The following TBC1D19 variants were observed in gnomAD, a reference collection of about 807,000 sequenced individuals.
TBC1D19 encodes TBC1 domain family member 19.
TBC1D19 carries 60 observed loss-of-function variants against 89.0 expected under a neutral mutation model. That is an observed-to-expected ratio of 0.67 (90% CI 0.55 to 0.84). The LOEUF (loss-of-function observed/expected upper bound fraction) is 0.84. Ranked by LOEUF, TBC1D19 falls within the 40% of genes least tolerant of loss-of-function variation. TBC1D19 has a pLI of 0.00. For synonymous variants in TBC1D19, 189 were observed against 199.7 expected, an observed-to-expected ratio of 0.95 and a Z score of 0.45; for missense variants, 500 against 610.8, an observed-to-expected ratio of 0.82 and a Z score of 1.91.
At chr4:26,759,152 G>T (rs1184566227), downstream of TBC1D19, among the ~76,000 whole-genome samples, 2 of 152,132 alleles carry the variant, frequency 1.3e-5, no homozygotes. Flanking sequence ...TACATAAGAT[G>T]TATTATAATC....
chr4:26,590,486 T>C (rs1202359920), intron 1 of TBC1D19, among the ~76,000 whole-genome samples: 2 of 152,166 alleles, frequency 1.3e-5, no homozygotes, highest in Non-Finnish European at 2.9e-5. Flanking sequence ...CTGCCTCCCT[T>C]TTAAAATTTT....
At chr4:26,780,831 C>G in the TBC1D19 span, among the ~76,000 whole-genome samples, 19 of 152,302 alleles carry the variant, frequency 1.2e-4, no homozygotes, top group South Asian at 2.1e-4. Context: ...TAAGGGGTAG[C>G]TGACTAGCCA....
chr4:26,776,402 C>T, the TBC1D19 span, among the ~76,000 whole-genome samples: 1 of 152,098 alleles, frequency 6.6e-6, no homozygotes, highest in African/African-American at 2.4e-5. Flanking sequence ...CTTAAGATAA[C>T]AAAACTCACC....
intron 1 of TBC1D19, among the ~76,000 whole-genome samples, chr4:26,609,400 A>G (rs930169157): frequency 2.6e-5 from 4 of 152,134 alleles, no homozygotes; most frequent in Non-Finnish European, 4.4e-5. Context: ...GAAACAGAGG[A>G]ACATAATGTT....
chr4:26,695,441 T>C (rs1191821810), intron 13 of TBC1D19, among the ~76,000 whole-genome samples: 1 of 152,178 alleles, frequency 6.6e-6, no homozygotes. Flanking sequence ...CCCTGCAGGA[T>C]ATTATCCAGG....
chr4:26,642,995 A>T (rs1005622156), intron 7 of TBC1D19, among the ~76,000 whole-genome samples: 10 of 152,118 alleles, frequency 6.6e-5, no homozygotes, highest in African/African-American at 2.2e-4. Flanking sequence ...TTAACACCCC[A>T]CTGTCAATAT....
the TBC1D19 span, among the ~76,000 whole-genome samples, chr4:26,837,735 C>A: frequency 6.6e-6 from 1 of 151,986 alleles, no homozygotes; most frequent in Non-Finnish European, 1.5e-5. Context: ...TCACTAAGGG[C>A]AAGAGTAGAG....
intron 13 of TBC1D19, among the ~76,000 whole-genome samples, chr4:26,712,793 A>G (rs1394893039): frequency 6.6e-6 from 1 of 152,038 alleles, no homozygotes; most frequent in Non-Finnish European, 1.5e-5. Context: ...AGAAGGAGCA[A>G]CCTGCTTTCA....
intron 11 of TBC1D19, among the ~76,000 whole-genome samples, chr4:26,674,774 T>G (rs1363611731): frequency 6.6e-6 from 1 of 151,988 alleles, no homozygotes; most frequent in Non-Finnish European, 1.5e-5. Context: ...GGAACATAAA[T>G]GATCACCATT....
the TBC1D19 span, among the ~76,000 whole-genome samples, chr4:26,821,685 T>G: frequency 1.2e-4 from 18 of 152,280 alleles, no homozygotes; most frequent in African/African-American, 4.3e-4. Context: ...CCTGGCCCAG[T>G]GGTTCAATGG....
the TBC1D19 span, among the ~76,000 whole-genome samples, chr4:26,818,547 C>T: frequency 1.2e-4 from 19 of 152,178 alleles, no homozygotes; most frequent in South Asian, 2.1e-4. Context: ...TGAGCCACCG[C>T]GGCTGGCCTC....
At chr4:26,580,833 T>C (rs577814603), upstream of TBC1D19, among the ~76,000 whole-genome samples, 122 of 152,342 alleles carry the variant, frequency 8.0e-4, no homozygotes, top group Non-Finnish European at 1.5e-3. Flanking sequence ...AGGTTGTTTT[T>C]AATGCGTTCC....
the TBC1D19 span, among the ~76,000 whole-genome samples, chr4:26,817,979 A>ATATATATATATATATAT: frequency 1.9e-5 from 2 of 107,362 alleles, no homozygotes; most frequent in African/African-American, 9.1e-5. Flanking sequence ...AAAAAAAAAA[A>ATATATATATATATATAT]AAATATATAT....
chr4:26,702,659 T>G (rs993105028), intron 13 of TBC1D19, among the ~76,000 whole-genome samples: 2 of 152,232 alleles, frequency 1.3e-5, no homozygotes, highest in Non-Finnish European at 2.9e-5. Flanking sequence ...TGACTTCTCC[T>G]GCTTTTAGTA....
At chr4:26,724,027 A>G (rs1459040832) in intron 15 of TBC1D19, among the ~76,000 whole-genome samples, 1 of 152,248 alleles carries the variant, frequency 6.6e-6, no homozygotes, top group Non-Finnish European at 1.5e-5. Flanking sequence ...TGGAATATGA[A>G]CAGAGACAGA....
chr4:26,805,853 T>A, the TBC1D19 span, among the ~76,000 whole-genome samples: 1 of 151,940 alleles, frequency 6.6e-6, no homozygotes, highest in African/African-American at 2.4e-5. Context: ...AAAATTAAAT[T>A]AGCCAGGAGT....
chr4:26,686,900 T>C (rs1713859918), intron 12 of TBC1D19, among the ~76,000 whole-genome samples: 1 of 152,230 alleles, frequency 6.6e-6, no homozygotes, highest in Admixed American at 6.5e-5. Flanking sequence ...TTTTATAGAC[T>C]GTTAGAGCTA....
chr4:26,810,720 G>A, the TBC1D19 span, among the ~76,000 whole-genome samples: 1 of 152,062 alleles, frequency 6.6e-6, no homozygotes, highest in Non-Finnish European at 1.5e-5. Flanking sequence ...CACACACCAA[G>A]TCTGGGTCGC....
chr4:26,645,231 A>G (rs1743836594), intron 7 of TBC1D19, among the ~76,000 whole-genome samples: 1 of 152,228 alleles, frequency 6.6e-6, no homozygotes, highest in Non-Finnish European at 1.5e-5. Flanking sequence ...AGCTGGAGGC[A>G]TCACGCTACC....
Sources: gnomAD v4.1 joint callset for allele counts (sites outside exome capture counted in the v4.1 genomes callset) on GRCh38, gnomAD v4.1.1 for gene constraint, MANE v1.5 for transcripts, NCBI Gene and HGNC (gene_info 2026-07-23, HGNC 2026-07-21) for gene names.